Variants in RBMS3 observed in about 807,000 individuals in gnomAD.
RBMS3 encodes the protein RNA binding motif single stranded interacting protein 3, also known as RNA-binding motif, single-stranded-interacting protein 3.
RBMS3 carries 27 observed loss-of-function variants against 66.8 expected under a neutral mutation model. That is an observed-to-expected ratio of 0.40 (90% CI 0.30 to 0.56). The LOEUF (loss-of-function observed/expected upper bound fraction) is 0.56, where lower values mean the gene tolerates loss of function less well. Among genes scored for constraint, RBMS3 ranks in the 20% least tolerant of loss-of-function variants. RBMS3 has a pLI of 0.40. For synonymous variants in RBMS3, 188 were observed against 183.0 expected, an observed-to-expected ratio of 1.03 and a Z score of -0.22; for missense variants, 513 against 549.5, an observed-to-expected ratio of 0.93 and a Z score of 0.66.
intron 3 of RBMS3, among the ~76,000 whole-genome samples, chr3:29,572,763 C>T (rs79653935): frequency 0.083 from 12,597 of 152,132 alleles, 584 homozygotes; most frequent in South Asian, 0.11. Context: ...GTTTTGGTAT[C>T]AGGATAATAC....
intron 1 of RBMS3, among the ~76,000 whole-genome samples, chr3:29,284,383 T>A (rs547743240): frequency 2.0e-4 from 30 of 152,230 alleles, no homozygotes; most frequent in African/African-American, 7.0e-4. Flanking sequence ...AAAATCTTCA[T>A]GGGATTTTAA....
chr3:29,854,948 T>TGA (rs1319901960), intron 6 of RBMS3, among the ~76,000 whole-genome samples: 1 of 152,166 alleles, frequency 6.6e-6, no homozygotes, highest in Non-Finnish European at 1.5e-5. Flanking sequence ...GGAAATAAAA[T>TGA]GAGAGGCATA....
intron 12 of RBMS3, among the ~76,000 whole-genome samples, chr3:29,985,426 C>G (rs6792275): frequency 0.17 from 25,781 of 151,820 alleles, 2,588 homozygotes; most frequent in East Asian, 0.34. Flanking sequence ...CTGCATCTAG[C>G]AGCCCAAATA....
intron 3 of RBMS3, among the ~76,000 whole-genome samples, chr3:29,538,430 G>A (rs1404045039): frequency 6.6e-6 from 1 of 152,126 alleles, no homozygotes; most frequent in Non-Finnish European, 1.5e-5. Context: ...AAGTTTCCTG[G>A]CAACCCAAAC....
At chr3:29,905,867 A>G (rs1472681908) in intron 10 of RBMS3, among the ~76,000 whole-genome samples, 2 of 152,124 alleles carry the variant, frequency 1.3e-5, no homozygotes, top group Non-Finnish European at 2.9e-5. Flanking sequence ...TGTTGGGGAA[A>G]CTTGCCTTAT....
Position 29,463,817 on chromosome 3 carries a change from A to G in RBMS3, c.249-24624A>G, listed in dbSNP as rs375136577. Among the ~76,000 whole-genome samples the G allele has an allele frequency of 1.8e-4, 28 of 152,138 alleles. No homozygotes were observed. The East Asian group carries it at 4.1e-3, about 22-fold the overall frequency. On this transcript the variant is annotated intron_variant, in intron 2 of 14. Transcript: ENST00000383767. The stretch of plus-strand genomic sequence containing the variant: ...TCTTTACCCCCTAACCTAACCCCAC[A>G]CTACATACTACATTAAACTATCTTG...
chr3:29,601,276 A>G (rs2048133956), intron 4 of RBMS3, among the ~76,000 whole-genome samples: 2 of 152,046 alleles, frequency 1.3e-5, no homozygotes. Context: ...GCTAATAACC[A>G]TCACAGAAAC....
intron 3 of RBMS3, among the ~76,000 whole-genome samples, chr3:29,574,567 T>G (rs1026295795): frequency 6.6e-6 from 1 of 152,168 alleles, no homozygotes; most frequent in Non-Finnish European, 1.5e-5. Context: ...AATGTTATTA[T>G]TGATAGGCAG....
At chr3:29,864,116 T>C (rs2059286180) in intron 6 of RBMS3, among the ~76,000 whole-genome samples, 2 of 152,152 alleles carry the variant, frequency 1.3e-5, no homozygotes, top group South Asian at 4.1e-4. Flanking sequence ...TAATATGGGA[T>C]CTGGAAAAGG....
chr3:29,710,914 C>A (rs1365150232), intron 4 of RBMS3, among the ~76,000 whole-genome samples: 1 of 152,060 alleles, frequency 6.6e-6, no homozygotes, highest in Admixed American at 6.6e-5. Context: ...ACTATACATG[C>A]CAAGAGACAT....
chr3:29,829,042 C>A (rs1403976041), intron 6 of RBMS3, among the ~76,000 whole-genome samples: 1 of 34,370 alleles, frequency 2.9e-5, no homozygotes, highest in Admixed American at 2.7e-4. Flanking sequence ...TTCTTTCTTT[C>A]TTTCTTTTGT....
chr3:29,435,051 A>G (rs2041347330), intron 2 of RBMS3, 136 bp downstream of exon 2: 2 of 935,576 alleles, frequency 2.1e-6, no homozygotes, highest in South Asian at 4.2e-5. Flanking sequence ...CAGGACTTAA[A>G]TTTGAGATTC....
chr3:29,817,040 G>A (rs1055053489), intron 6 of RBMS3, among the ~76,000 whole-genome samples: 7 of 152,048 alleles, frequency 4.6e-5, no homozygotes, highest in African/African-American at 7.2e-5. Flanking sequence ...GCCGTGAGCC[G>A]AGATCGAACC....
At chr3:29,547,983 C>T (rs1487586090) in intron 3 of RBMS3, among the ~76,000 whole-genome samples, 9 of 151,748 alleles carry the variant, frequency 5.9e-5, no homozygotes, top group Non-Finnish European at 1.3e-4. Context: ...TTAGTAGAGA[C>T]GGGGTTTTCT....
intron 3 of RBMS3, among the ~76,000 whole-genome samples, chr3:29,569,976 A>ATGT (rs2046890124): frequency 2.0e-5 from 3 of 151,610 alleles, no homozygotes; most frequent in Non-Finnish European, 4.4e-5. Context: ...CAAGAAAAGC[A>ATGT]GTTGCTTAGG....
Position 29,492,212 on chromosome 3 carries a change from A to G in RBMS3, c.307+3713A>G, listed in dbSNP as rs1179539017. ...CCCTGTAAGTCAGCAAATCATGATC[A>G]AAAATATACTACTATCCCTTTCATG... On this transcript the variant is annotated intron_variant, in intron 3 of 14. Transcript: ENST00000383767. Among the ~76,000 whole-genome samples the G allele has an allele frequency of 2.0e-5, 3 of 152,298 alleles. No homozygotes were observed. In the East Asian group the frequency reaches 5.8e-4, roughly 29 times the overall value.
At chr3:29,949,796 T>C (rs1252342168) in intron 12 of RBMS3, among the ~76,000 whole-genome samples, 3 of 151,692 alleles carry the variant, frequency 2.0e-5, no homozygotes, top group East Asian at 3.9e-4. Flanking sequence ...TTAGGACTTA[T>C]AGCAGCAACA....
intron 6 of RBMS3, among the ~76,000 whole-genome samples, chr3:29,793,605 C>T (rs2057085476): frequency 6.6e-6 from 1 of 152,150 alleles, no homozygotes; most frequent in East Asian, 1.9e-4. Flanking sequence ...ATAATTTTGA[C>T]TCATTATAAA....
At chr3:29,890,871 A>AT (rs201568878) in intron 8 of RBMS3, among the ~76,000 whole-genome samples, 1,519 of 150,588 alleles carry the variant, frequency 0.01, 18 homozygotes, top group African/African-American at 0.034. Flanking sequence ...GTTTTTATTT[A>AT]TTTTTTTTTC....
Sources: allele counts gnomAD v4.1 joint callset (sites outside exome capture counted in the v4.1 genomes callset), GRCh38; gene constraint gnomAD v4.1.1; transcripts MANE v1.5; gene names NCBI Gene and HGNC (gene_info 2026-07-23, HGNC 2026-07-21).